SLC67A2: variants seen among roughly 807,000 people sequenced by gnomAD.
SLC67A2 encodes the protein solute carrier family 67 member 2.
chr2:102,719,886 T>A, the SLC67A2 span, among the ~76,000 whole-genome samples: 4 of 152,258 alleles, frequency 2.6e-5, no homozygotes, highest in South Asian at 6.2e-4. Flanking sequence ...GTCAGGGTCA[T>A]CTAGTGCTTG....
At chr2:102,718,264 G>T in the SLC67A2 span, 1 of 805,332 alleles carries the variant, frequency 1.2e-6, no homozygotes, top group Non-Finnish European at 2.0e-6. Flanking sequence ...AGGCATGGCT[G>T]CATGGCCAAG....
the SLC67A2 span, chr2:102,723,719 C>T: frequency 1.2e-6 from 2 of 1,614,074 alleles, no homozygotes; most frequent in Non-Finnish European, 1.7e-6. Context: ...GAATGAAGAC[C>T]AAAAAGCAGA....
At chr2:102,716,693 C>T in the SLC67A2 span, 1 of 152,182 alleles carries the variant, frequency 6.6e-6, no homozygotes, top group African/African-American at 2.4e-5. Context: ...TGACAAATTA[C>T]TGTAGCATAC....
the SLC67A2 span, chr2:102,723,765 G>A: frequency 1.2e-6 from 2 of 1,614,192 alleles, no homozygotes; most frequent in Non-Finnish European, 1.7e-6. Flanking sequence ...CTCTAATTCA[G>A]TGAGATAGCC....
chr2:102,714,865 T>C, the SLC67A2 span, among the ~76,000 whole-genome samples: 1 of 152,186 alleles, frequency 6.6e-6, no homozygotes, highest in Non-Finnish European at 1.5e-5. Flanking sequence ...GCATTCCAAA[T>C]AAATAGCTGT....
the SLC67A2 span, among the ~76,000 whole-genome samples, chr2:102,719,457 T>C: frequency 2.0e-5 from 3 of 152,336 alleles, no homozygotes; most frequent in Admixed American, 2.0e-4. Flanking sequence ...CACTGCTTCC[T>C]CCCAGCTCAA....
At chr2:102,736,367 A>G in the SLC67A2 span, among the ~76,000 whole-genome samples, 1 of 152,062 alleles carries the variant, frequency 6.6e-6, no homozygotes, top group African/African-American at 2.4e-5. Flanking sequence ...ACCTGGTCAC[A>G]CCTGAGGTTG....
At chr2:102,714,790 G>A in the SLC67A2 span, among the ~76,000 whole-genome samples, 1 of 152,136 alleles carries the variant, frequency 6.6e-6, no homozygotes, top group East Asian at 1.9e-4. Context: ...CCCTGTTTTA[G>A]AGACTTCTTG....
At chr2:102,731,200 C>T in the SLC67A2 span, 1 of 595,686 alleles carries the variant, frequency 1.7e-6, no homozygotes, top group African/African-American at 1.9e-5. Flanking sequence ...AATTATCTCA[C>T]ATCTTTTTTT....
the SLC67A2 span, among the ~76,000 whole-genome samples, chr2:102,727,687 G>C: frequency 1.3e-5 from 2 of 152,134 alleles, no homozygotes; most frequent in African/African-American, 4.8e-5. Context: ...CCTAGAACTG[G>C]AGTTGTTCCA....
At chr2:102,729,046 A>G in the SLC67A2 span, among the ~76,000 whole-genome samples, 1 of 152,214 alleles carries the variant, frequency 6.6e-6, no homozygotes, top group Non-Finnish European at 1.5e-5. Context: ...TTTTCTGTAT[A>G]AAGATTTGTT....
At chr2:102,730,101 C>G in the SLC67A2 span, among the ~76,000 whole-genome samples, 1 of 152,144 alleles carries the variant, frequency 6.6e-6, no homozygotes, top group African/African-American at 2.4e-5. Context: ...AGAGTGATCA[C>G]AGTAGACATT....
chr2:102,721,951 G>C, the SLC67A2 span, among the ~76,000 whole-genome samples: 112,959 of 152,074 alleles, frequency 0.74, 41,976 homozygotes, highest in East Asian at 0.77. Flanking sequence ...AGCAATCCTC[G>C]CGCTTCAGCC....
chr2:102,727,110 G>T, the SLC67A2 span: 1 of 863,454 alleles, frequency 1.2e-6, no homozygotes, highest in Non-Finnish European at 1.7e-6. Flanking sequence ...GTTCCATGAT[G>T]CCATTTGTCA....
the SLC67A2 span, among the ~76,000 whole-genome samples, chr2:102,722,546 G>T: frequency 4.6e-5 from 7 of 152,002 alleles, no homozygotes; most frequent in African/African-American, 1.7e-4. Context: ...CTTTTAAATT[G>T]CAACTAAAAT....
the SLC67A2 span, among the ~76,000 whole-genome samples, chr2:102,728,120 A>C: frequency 6.6e-6 from 1 of 151,704 alleles, no homozygotes; most frequent in Non-Finnish European, 1.5e-5. Flanking sequence ...GTTCTGGGTG[A>C]AGCAATGTTT....
At chr2:102,736,666 G>C in the SLC67A2 span, 4 of 1,613,958 alleles carry the variant, frequency 2.5e-6, no homozygotes, top group Non-Finnish European at 2.5e-6. Context: ...ACCAAGTAGA[G>C]ACAGAGCAGG....
chr2:102,723,664 A>T, the SLC67A2 span: 32 of 1,589,560 alleles, frequency 2.0e-5, no homozygotes, highest in African/African-American at 2.4e-4. Flanking sequence ...GTCAGTATGA[A>T]TACACAAAAC....
the SLC67A2 span, among the ~76,000 whole-genome samples, chr2:102,729,367 T>C: frequency 6.6e-6 from 1 of 152,220 alleles, no homozygotes; most frequent in South Asian, 2.1e-4. Context: ...GCCTGGTCTG[T>C]ATCTCAGGAA....
Sources: allele counts gnomAD v4.1 joint callset (sites outside exome capture counted in the v4.1 genomes callset), GRCh38; gene constraint gnomAD v4.1.1; transcripts MANE v1.5; gene names NCBI Gene and HGNC (gene_info 2026-07-23, HGNC 2026-07-21).